NOX4: variants seen among roughly 807,000 people sequenced by gnomAD.
NOX4 encodes the protein NADPH oxidase 4.
A neutral mutation model predicts 87.6 loss-of-function variants in NOX4; 69 were observed. The ratio of observed to expected loss-of-function variants is 0.79; its 90% CI spans 0.65 to 0.96. The LOEUF (loss-of-function observed/expected upper bound fraction) is 0.96, where lower values mean the gene tolerates loss of function less well. Among genes scored for constraint, NOX4 ranks in the 40% least tolerant of loss-of-function variants. NOX4 has a pLI of 0.00. For missense variants in NOX4, 680 were observed against 681.5 expected, an observed-to-expected ratio of 1.00 and a Z score of 0.02; for synonymous variants, 275 against 238.2, an observed-to-expected ratio of 1.15 and a Z score of -1.42.
At chr11:89,401,938 A>G (rs114276672) in intron 9 of NOX4, among the ~76,000 whole-genome samples, 3,560 of 152,170 alleles carry the variant, frequency 0.023, 131 homozygotes, top group African/African-American at 0.082. Flanking sequence ...TATTTACAAT[A>G]TTATACATAA....
intron 4 of NOX4, among the ~76,000 whole-genome samples, chr11:89,445,090 T>C (rs1307195684): frequency 2.0e-5 from 3 of 152,150 alleles, no homozygotes; most frequent in African/African-American, 7.2e-5. Flanking sequence ...GGTAACTCGC[T>C]GGAAAATTTG....
chr11:89,353,392 T>C lies in NOX4; in HGVS notation c.1217+1570A>G, dbSNP rs1198333602. 3.3e-5 allele frequency among the ~76,000 whole-genome samples: 5 copies of C among 152,156 alleles called. No homozygotes were observed. In the South Asian group the frequency reaches 6.2e-4, roughly 19 times the overall value. On this transcript the variant is annotated intron_variant, in intron 13 of 17. Transcript: ENST00000263317. ...CCTAATCAGTCAGCAACCATCAACA[T>C]CGAGGAAAGATCCTCTACCAGCAAA...
the NOX4 span, among the ~76,000 whole-genome samples, chr11:89,523,306 G>T: frequency 6.6e-6 from 1 of 152,200 alleles, no homozygotes; most frequent in African/African-American, 2.4e-5. Flanking sequence ...ACAGGCGTGA[G>T]CTATGGTGCC....
chr11:89,357,334 G>A (rs1938145831), intron 12 of NOX4, among the ~76,000 whole-genome samples: 1 of 151,928 alleles, frequency 6.6e-6, no homozygotes, highest in Non-Finnish European at 1.5e-5. Context: ...AATACTCTGT[G>A]TTTTTCTCGA....
At chr11:89,543,710 C>A in the NOX4 span, among the ~76,000 whole-genome samples, 2 of 151,916 alleles carry the variant, frequency 1.3e-5, no homozygotes, top group African/African-American at 4.8e-5. Flanking sequence ...ATCATCAAAA[C>A]CAGCAAAAGT....
At chr11:89,556,825 C>CT in the NOX4 span, 3 of 152,084 alleles carry the variant, frequency 2.0e-5, no homozygotes, top group African/African-American at 7.2e-5. Flanking sequence ...GCTGTAAACT[C>CT]TAACAAGTTT....
At chr11:89,585,111 C>G in the NOX4 span, among the ~76,000 whole-genome samples, 2,372 of 152,176 alleles carry the variant, frequency 0.016, 60 homozygotes, top group African/African-American at 0.054. Context: ...TAGCTTACAC[C>G]GGCGCTTATA....
At chr11:89,583,403 G>A in the NOX4 span, among the ~76,000 whole-genome samples, 1 of 152,148 alleles carries the variant, frequency 6.6e-6, no homozygotes, top group African/African-American at 2.4e-5. Context: ...AATGGGATAA[G>A]TGCAGTAATC....
At chr11:89,477,731 A>C (rs929589258) in intron 2 of NOX4, among the ~76,000 whole-genome samples, 1 of 152,074 alleles carries the variant, frequency 6.6e-6, no homozygotes, top group Non-Finnish European at 1.5e-5. Flanking sequence ...TCTCCTATAA[A>C]ATGGGTCTTT....
At chr11:89,347,512 C>A (rs1946268804) in intron 13 of NOX4, among the ~76,000 whole-genome samples, 2 of 152,112 alleles carry the variant, frequency 1.3e-5, no homozygotes, top group Admixed American at 1.3e-4. Context: ...TTGGGCATTC[C>A]TCAAAGCAAC....
chr11:89,540,464 T>C, the NOX4 span, among the ~76,000 whole-genome samples: 1 of 152,020 alleles, frequency 6.6e-6, no homozygotes, highest in African/African-American at 2.4e-5. Context: ...CTGCCCCTTT[T>C]TGTGCCATGA....
the NOX4 span, among the ~76,000 whole-genome samples, chr11:89,515,693 A>G: frequency 5.9e-5 from 9 of 152,076 alleles, no homozygotes; most frequent in African/African-American, 2.2e-4. Flanking sequence ...TAGCATATAT[A>G]CTTAGGTCTA....
chr11:89,561,797 T>C, the NOX4 span, among the ~76,000 whole-genome samples: 118 of 152,130 alleles, frequency 7.8e-4, 1 homozygote, highest in African/African-American at 2.7e-3. Flanking sequence ...ATCCATAGAA[T>C]GTCAGATGGC....
At chr11:89,404,458 A>T (rs1942054483) in intron 8 of NOX4, among the ~76,000 whole-genome samples, 2 of 152,146 alleles carry the variant, frequency 1.3e-5, no homozygotes, top group African/African-American at 4.8e-5. Flanking sequence ...AAGAAGCTGA[A>T]CATAAATCAG....
intron 4 of NOX4, 39 bp from the exon 5 acceptor site, chr11:89,444,271 A>G (rs1253800624): frequency 6.5e-7 from 1 of 1,541,572 alleles, no homozygotes; most frequent in Non-Finnish European, 9.0e-7. Context: ...TGGGATTTGC[A>G]TATATGCTCT....
chr11:89,438,837 T>G (rs868317226), intron 6 of NOX4, among the ~76,000 whole-genome samples: 2 of 37,148 alleles, frequency 5.4e-5, no homozygotes, highest in African/African-American at 4.4e-4. Flanking sequence ...ATCTTATATA[T>G]TATATATATT....
chr11:89,431,112 C>G (rs897886800), intron 7 of NOX4, among the ~76,000 whole-genome samples: 9 of 152,082 alleles, frequency 5.9e-5, no homozygotes, highest in African/African-American at 2.2e-4. Flanking sequence ...GGAAAGAATT[C>G]CCTATTTAAT....
chr11:89,365,206 G>T (rs187787154), intron 12 of NOX4, among the ~76,000 whole-genome samples: 3 of 152,112 alleles, frequency 2.0e-5, no homozygotes, highest in East Asian at 1.9e-4. Context: ...AATATTTAAT[G>T]GATCCTTTTA....
At chr11:89,526,095 C>T in the NOX4 span, among the ~76,000 whole-genome samples, 1 of 152,164 alleles carries the variant, frequency 6.6e-6, no homozygotes, top group Admixed American at 6.5e-5. Flanking sequence ...ATAACTAATA[C>T]AGCCTTATAG....
Sources: allele counts gnomAD v4.1 joint callset (sites outside exome capture counted in the v4.1 genomes callset), GRCh38; gene constraint gnomAD v4.1.1; transcripts MANE v1.5; gene names NCBI Gene and HGNC (gene_info 2026-07-23, HGNC 2026-07-21).